PTPRD: variants seen among roughly 807,000 people sequenced by gnomAD.
PTPRD encodes protein tyrosine phosphatase receptor type D.
PTPRD carries 34 observed loss-of-function variants against 214.5 expected under a neutral mutation model. The observed-to-expected ratio is 0.16, with a 90% CI of 0.12 to 0.21. PTPRD has a LOEUF of 0.21. Ranked by LOEUF, PTPRD falls within the 10% of genes least tolerant of loss-of-function variation. PTPRD has a pLI of 1.00. For synonymous variants in PTPRD, 1,128 were observed against 845.7 expected, an observed-to-expected ratio of 1.33 and a Z score of -5.79; for missense variants, 2,545 against 2,398.7, an observed-to-expected ratio of 1.06 and a Z score of -1.27.
At chr9:8,358,849 T>C (rs1232250494) in intron 39 of PTPRD, among the ~76,000 whole-genome samples, 1 of 151,846 alleles carries the variant, frequency 6.6e-6, no homozygotes, top group Non-Finnish European at 1.5e-5. Context: ...TCAGATTTCT[T>C]GTAATCCCAG....
intron 11 of PTPRD, among the ~76,000 whole-genome samples, chr9:8,796,856 A>C (rs910147313): frequency 6.6e-6 from 1 of 152,120 alleles, no homozygotes; most frequent in African/African-American, 2.4e-5. Flanking sequence ...ATCGCCTAGA[A>C]CTTGAAAGAG....
intron 9 of PTPRD, among the ~76,000 whole-genome samples, chr9:9,229,859 A>C (rs2099961977): frequency 6.6e-6 from 1 of 152,152 alleles, no homozygotes; most frequent in Admixed American, 6.6e-5. Context: ...TTGGTTAGGA[A>C]GACTGATAGT....
chr9:9,063,813 G>C (rs2099714782), intron 10 of PTPRD, among the ~76,000 whole-genome samples: 2 of 152,184 alleles, frequency 1.3e-5, no homozygotes, highest in South Asian at 4.1e-4. Context: ...TCAATAGAAA[G>C]TATCCGGCAG....
At chr9:8,791,523 CTT>C (rs34501354) in intron 11 of PTPRD, among the ~76,000 whole-genome samples, 108 of 86,692 alleles carry the variant, frequency 1.2e-3, no homozygotes, top group Non-Finnish European at 1.8e-3. Context: ...CATGCCCAGA[CTT>C]TTTTTTTTTT....
At chr9:8,426,965 C>T (rs1267066584) in intron 35 of PTPRD, among the ~76,000 whole-genome samples, 1 of 151,988 alleles carries the variant, frequency 6.6e-6, no homozygotes, top group African/African-American at 2.4e-5. Context: ...GTTTTGGATG[C>T]AATGTTTCTT....
intron 8 of PTPRD, among the ~76,000 whole-genome samples, chr9:9,528,412 A>G (rs1309223128): frequency 1.3e-5 from 2 of 152,214 alleles, no homozygotes; most frequent in African/African-American, 4.8e-5. Flanking sequence ...TTAGTTTGGA[A>G]GCTAAATTAG....
chr9:8,730,125 G>A (rs189887654), intron 12 of PTPRD, among the ~76,000 whole-genome samples: 6 of 152,172 alleles, frequency 3.9e-5, no homozygotes, highest in East Asian at 3.9e-4. Context: ...GCGAGGTGGC[G>A]GGCACCTGTA....
At position 9,135,010 on chromosome 9, in the gene PTPRD, G is replaced by C. The variant is rs140183129; in HGVS notation, c.-143+48294C>G. Among the ~76,000 whole-genome samples, 916 of 152,196 alleles carry C rather than the reference G, an allele frequency of 6.0e-3. 10 individuals carry two copies. Among genetic ancestry groups the C allele is most frequent in the African/African-American group, 0.021 (878 of 41,500 alleles). On this transcript the variant is annotated intron_variant, in intron 10 of 45. Coordinates refer to ENST00000381196, the MANE Select transcript of PTPRD (RefSeq NM_002839.4). The stretch of plus-strand genomic sequence containing the variant: ...CCTTTCTGTGCAATGACACAGTCAT[G>C]GACTCATATGCGCTTTATGATGCTT...
At chr9:8,809,757 T>C (rs1336522567) in intron 11 of PTPRD, among the ~76,000 whole-genome samples, 1 of 152,206 alleles carries the variant, frequency 6.6e-6, no homozygotes, top group Non-Finnish European at 1.5e-5. Flanking sequence ...CAGTGTTCAT[T>C]GTATTATCAG....
chr9:8,489,393 C>G (rs554427428), intron 27 of PTPRD, among the ~76,000 whole-genome samples: 2 of 152,182 alleles, frequency 1.3e-5, no homozygotes, highest in Non-Finnish European at 2.9e-5. Flanking sequence ...ACAGGAGGAT[C>G]TCAGTCTGCT....
At chr9:9,858,909 T>A (rs917430829) in intron 5 of PTPRD, among the ~76,000 whole-genome samples, 6 of 152,104 alleles carry the variant, frequency 3.9e-5, no homozygotes, top group Admixed American at 2.0e-4. Flanking sequence ...GCAGAAAACT[T>A]TGCCCAAGAA....
chr9:8,332,876 G>C (rs1244448952), intron 43 of PTPRD, among the ~76,000 whole-genome samples: 1 of 152,080 alleles, frequency 6.6e-6, no homozygotes, highest in Non-Finnish European at 1.5e-5. Flanking sequence ...CCTTCAACTT[G>C]TTCCTCCATT....
intron 8 of PTPRD, among the ~76,000 whole-genome samples, chr9:9,563,817 G>T (rs1162090416): frequency 6.6e-6 from 1 of 152,080 alleles, no homozygotes; most frequent in African/African-American, 2.4e-5. Flanking sequence ...TATAGAACTA[G>T]AATTGACTCA....
intron 7 of PTPRD, among the ~76,000 whole-genome samples, chr9:9,669,808 T>C (rs1594784742): frequency 6.6e-6 from 1 of 152,292 alleles, no homozygotes; most frequent in Non-Finnish European, 1.5e-5. Context: ...GGATCATGTA[T>C]ATACATATTA....
In PTPRD at chr9:8,721,039, A is replaced by ATT. The variant is rs33958683; in HGVS notation, c.64+12739_64+12740dup. On this transcript the variant is annotated intron_variant, in intron 12 of 45. Coordinates refer to ENST00000381196, the MANE Select transcript of PTPRD (RefSeq NM_002839.4). Reference sequence around the variant, plus strand: ...GCAGGTCATCTACTCTGACCCTTGGATTTTTTTTTTTTTTTTTAATCTGAG... The same window carrying ATT: ...GCAGGTCATCTACTCTGACCCTTGGATTTTTTTTTTTTTTTTTTTAATCTGAG... Among the ~76,000 whole-genome samples, 70 of 138,316 alleles carry ATT rather than the reference A, an allele frequency of 5.1e-4. 1 individual carries two copies. Among genetic ancestry groups the ATT allele is most frequent in the Admixed American group, 2.9e-3 (39 of 13,564 alleles). The allele number at this position is 138,316 out of a possible 152,430, so 90.7% of individuals were successfully genotyped here.
chr9:9,916,132 C>T (rs2080726739), intron 5 of PTPRD, among the ~76,000 whole-genome samples: 1 of 148,800 alleles, frequency 6.7e-6, no homozygotes, highest in East Asian at 2.0e-4. Flanking sequence ...TTCAGCAAAA[C>T]CATCTTTCAA....
At chr9:8,571,150 C>G (rs187286726) in intron 14 of PTPRD, among the ~76,000 whole-genome samples, 2 of 152,142 alleles carry the variant, frequency 1.3e-5, no homozygotes, top group Admixed American at 1.3e-4. Flanking sequence ...GTGTTTATCA[C>G]CAGAGTTGAA....
chr9:8,339,361 C>G (rs1047513512), intron 42 of PTPRD, among the ~76,000 whole-genome samples: 1 of 152,076 alleles, frequency 6.6e-6, no homozygotes, highest in African/African-American at 2.4e-5. Context: ...TACAAGTTAT[C>G]CAAATAATTA....
At chr9:9,936,000 G>A (rs199891074) in intron 5 of PTPRD, among the ~76,000 whole-genome samples, 13,821 of 150,324 alleles carry the variant, frequency 0.092, 1,323 homozygotes, top group East Asian at 0.28. Flanking sequence ...TTTAATAAAT[G>A]GTGCTGGGAA....
Sources: allele counts gnomAD v4.1 joint callset (sites outside exome capture counted in the v4.1 genomes callset), GRCh38; gene constraint gnomAD v4.1.1; transcripts MANE v1.5; gene names NCBI Gene and HGNC (gene_info 2026-07-23, HGNC 2026-07-21).